ADAM15: variants seen among roughly 807,000 people sequenced by gnomAD.
ADAM15 encodes the protein disintegrin and metalloproteinase domain-containing protein 15.
Under a neutral mutation model 113.8 loss-of-function variants are expected in ADAM15, and 77 were observed. The observed-to-expected ratio is 0.68, with a 90% CI of 0.56 to 0.82. The LOEUF (loss-of-function observed/expected upper bound fraction) is 0.82. Among genes scored for constraint, ADAM15 ranks in the 40% least tolerant of loss-of-function variants. The pLI, the probability that ADAM15 is intolerant of heterozygous loss-of-function variation, is 0.00. For missense variants in ADAM15, 963 were observed against 1,120.1 expected, an observed-to-expected ratio of 0.86 and a Z score of 2.00; for synonymous variants, 388 against 454.1, an observed-to-expected ratio of 0.85 and a Z score of 1.85.
At position 155,057,576 on chromosome 1, in the gene ADAM15, T is replaced by G. The variant is rs1189816471; in HGVS notation, c.1324-61T>G. 6.3e-7 allele frequency: 1 copy of G among 1,585,216 alleles called. No individual in the cohort carries two copies. The highest frequency in any genetic ancestry group is 1.3e-5 in the African/African-American group (1 of 74,316). ...CTTGGCCTGTGGGAGGAGGAGAGAT[T>G]GGAGGGAGGCTCACAGGCCCCACCT... On this transcript the variant is annotated intron_variant, in intron 12 of 22. Coordinates refer to ENST00000356955, the MANE Select transcript of ADAM15 (RefSeq NM_207197.3). The surrounding 1 kb of genome is among the most constrained non-coding windows in gnomAD (Gnocchi z 5.0).
At position 155,055,818 on chromosome 1, in the gene ADAM15, C is replaced by G. The variant is rs749884817; in HGVS notation, c.641C>G (p.Thr214Ser). Residue 214 changes from threonine to serine, a missense_variant, in exon 7 of 23, where the codon ACT (threonine) becomes AGT (serine). Thr to Ser is a moderately conservative substitution (Grantham distance 58). Transcript: ENST00000356955. ...RRRDVVTETK[T>S]VELVIVADHS... ...CGGGATGTGGTAACAGAGACCAAGA[C>G]TGTGGAGTTGGTGATTGTGGCTGAT... is the stretch of plus-strand genomic sequence containing the variant. 1.2e-6 allele frequency: 2 copies of G among 1,614,220 alleles called. No individual in the cohort carries two copies. The highest frequency in any genetic ancestry group is 2.2e-5 in the South Asian group (2 of 91,090).
Position 155,062,046 on chromosome 1 carries a change from G to C in ADAM15, c.2424+71G>C, listed in dbSNP as rs1662715628. The C allele has an allele frequency of 1.3e-6, 2 of 1,483,570 alleles. No homozygotes were observed. The highest frequency in any genetic ancestry group is 4.8e-5 in the East Asian group (2 of 41,938). 91.9% of individuals were successfully genotyped at this position (1,483,570 alleles called of 1,614,324 possible). A position where few individuals can be genotyped will look rare whatever the true frequency, so the allele number is the denominator to read the frequency against. On this transcript the variant is annotated intron_variant, in intron 21 of 22. Coordinates refer to ENST00000356955, the MANE Select transcript of ADAM15 (RefSeq NM_207197.3). This position sits in a 1 kb window ranked among gnomAD's most constrained non-coding sequence, Gnocchi z 7.0. ...GGCTGTGGTGCTGGTAGCCATGACG[G>C]TGGTGGCCGTGGCGAGATGCCCCCT... is the stretch of plus-strand genomic sequence containing the variant.
At chr1:155,053,772 G>A in intron 3 of ADAM15, 138 bp from the exon 4 acceptor site, 1 of 975,772 alleles carries the variant, frequency 1.0e-6, no homozygotes, top group Non-Finnish European at 1.5e-6. Context: ...ATACTTTGCT[G>A]CCCCGGGGTC....
intron 19 of ADAM15, 46 bp downstream of exon 19, chr1:155,060,878 ATCCAGCTTGGG>A (rs756612153): frequency 6.4e-7 from 1 of 1,567,882 alleles, no homozygotes; most frequent in Admixed American, 1.7e-5. Flanking sequence ...TTGGCCGGGC[ATCCAGCTTGGG>A]CCCTGGGGGG....
In ADAM15 at chr1:155,057,773, G is replaced by T; in HGVS notation, c.1416+44G>T. 6.2e-7 allele frequency: 1 copy of T among 1,613,974 alleles called. No individual in the cohort carries two copies. The highest frequency in any genetic ancestry group is 8.5e-7 in the Non-Finnish European group (1 of 1,179,844). On this transcript the variant is annotated intron_variant, in intron 13 of 22. Coordinates refer to ENST00000356955, the MANE Select transcript of ADAM15 (RefSeq NM_207197.3). This position sits in a 1 kb window ranked among gnomAD's most constrained non-coding sequence, Gnocchi z 5.0. ...GGCCACCCGGAGCTCACCTGCCGGG[G>T]CCAAGGTGGAAAGGGTCATTCTGAC... is the stretch of plus-strand genomic sequence containing the variant.
rs763215656 is a variant in ADAM15, at chr1:155,058,204, C to T, written c.1722-42C>T. 1 of 1,613,264 alleles carries T rather than the reference C, an allele frequency of 6.2e-7. No homozygotes were observed. Among genetic ancestry groups the T allele is most frequent in the Non-Finnish European group, 8.5e-7 (1 of 1,179,584 alleles). On this transcript the variant is annotated intron_variant, in intron 14 of 22. Transcript: ENST00000356955. This position sits in a 1 kb window ranked among gnomAD's most constrained non-coding sequence, Gnocchi z 4.3. ...CCTTTGGGTTTCTGAGAGCCTTGGC[C>T]CTGCTCCTACTAACTCTGTGTGCCC...
At position 155,052,727 on chromosome 1, in the gene ADAM15, CCCCAGGTCCTTCAGGACGATCT is replaced by C. The variant is rs1357394407; in HGVS notation, c.141_162del (p.Val48LeufsTer15). 1 of 1,612,384 alleles carries C rather than the reference CCCCAGGTCCTTCAGGACGATCT, an allele frequency of 6.2e-7. No homozygotes were observed. The highest frequency in any genetic ancestry group is 1.3e-5 in the African/African-American group (1 of 74,856). On this transcript the variant is annotated frameshift_variant, in exon 2 of 23. Coordinates refer to ENST00000356955, the MANE Select transcript of ADAM15 (RefSeq NM_207197.3). LOFTEE classifies it high-confidence loss of function. ...GAAGGCCCCGAGGGAGCCCTTGGAG[CCCCAGGTCCTTCAGGACGATCT>C]CCCAATTAGCCTCAAAAAGGTGCTT...
rs374457136 is a variant in ADAM15 at position 155,059,982 on chromosome 1, G to A, written c.2068+8G>A. Reference sequence around the variant, plus strand: ...GCACCACTCAGCTCAAAGGTAGCATGGGGGTGGGGGACAGGGGCAGCTGGG... The same window carrying A: ...GCACCACTCAGCTCAAAGGTAGCATAGGGGTGGGGGACAGGGGCAGCTGGG... On this transcript the variant is annotated splice_region_variant and intron_variant, in intron 17 of 22. Transcript: ENST00000356955. 9 of 1,613,890 alleles carry A rather than the reference G, an allele frequency of 5.6e-6. No homozygotes were observed. The African/African-American group carries it at 1.1e-4, about 19-fold the overall frequency.
At chr1:155,060,895 G>C in intron 19 of ADAM15, 63 bp downstream of exon 19, 1 of 1,492,664 alleles carries the variant, frequency 6.7e-7, no homozygotes, top group Non-Finnish European at 9.2e-7. Flanking sequence ...TTGGGCCCTG[G>C]GGGGTGCGCA....
At position 155,062,259 on chromosome 1, in the gene ADAM15, CAAGCCCCCACCCCCAAGG is replaced by C; in HGVS notation, c.2445_2462del (p.Pro816_Pro821del). The C allele has an allele frequency of 6.9e-7, 1 of 1,458,328 alleles. No individual in the cohort carries two copies. The highest frequency in any genetic ancestry group is 9.1e-7 in the Non-Finnish European group (1 of 1,103,308). The allele number at this position is 1,458,328 out of a possible 1,614,324, so 90.3% of individuals were successfully genotyped here. Reference sequence around the variant, plus strand: ...CTCTCCCTCAGTCTCAGGGGCCAGCCAAGCCCCCACCCCCAAGGAAGCCACTGCCTGCCGACCCCCAGG... The same window carrying C: ...CTCTCCCTCAGTCTCAGGGGCCAGCCAAGCCACTGCCTGCCGACCCCCAGG... On this transcript the variant is annotated inframe_deletion, in exon 22 of 23. Coordinates refer to ENST00000356955, the MANE Select transcript of ADAM15 (RefSeq NM_207197.3). This position sits in a 1 kb window ranked among gnomAD's most constrained non-coding sequence, Gnocchi z 7.0.
In ADAM15 at chr1:155,057,312, G is replaced by A. The variant is rs776978554; in HGVS notation, c.1273G>A (p.Gly425Arg). 14 of 1,614,086 alleles carry A rather than the reference G, an allele frequency of 8.7e-6. No homozygotes were observed. The Middle Eastern group carries it at 6.6e-4, about 76-fold the overall frequency. Reference sequence around the variant, plus strand: ...CCTACCCCCTATGGCTGCTTTCTGCGGAAATATGTTTGTGGAGCCGGGCGA... The same window carrying A: ...CCTACCCCCTATGGCTGCTTTCTGCAGAAATATGTTTGTGGAGCCGGGCGA... ...PSLPPMAAFC[G>R]NMFVEPGEQC... Residue 425 changes from glycine (G) to arginine (R), a missense_variant, in exon 12 of 23, where the codon GGA becomes AGA. By Grantham distance (125) the Gly-to-Arg change is moderately radical. Transcript: ENST00000356955. This position sits in a 1 kb window ranked among gnomAD's most constrained non-coding sequence, Gnocchi z 5.0.
chr1:155,053,987 T>C lies in ADAM15; in HGVS notation c.341T>C (p.Leu114Ser). The C allele has an allele frequency of 1.2e-6, 2 of 1,614,172 alleles. No homozygotes were observed. The highest frequency in any genetic ancestry group is 1.7e-6 in the Non-Finnish European group (2 of 1,180,018). ...CGGGTGGTCAGTGAGGGACACACTT[T>C]GGTGAGTCAGGCCCTCTTGTGCCAT... ...GTRVVSEGHT[L>S]ENCCYQGRVR... Residue 114 changes from leucine to serine, a missense_variant and splice_region_variant, in exon 4 of 23, where the codon TTG becomes TCG. By Grantham distance (145) the Leu-to-Ser change is moderately radical. Coordinates refer to ENST00000356955, the MANE Select transcript of ADAM15 (RefSeq NM_207197.3).
chr1:155,061,550 C>T (rs1166106733), intron 20 of ADAM15, 61 bp downstream of exon 20: 1 of 1,529,304 alleles, frequency 6.5e-7, no homozygotes, highest in East Asian at 2.3e-5. Context: ...TACCCAACTG[C>T]AGTTCTCATC....
At position 155,061,469 on chromosome 1, in the gene ADAM15, CCT is replaced by C; in HGVS notation, c.2333_2334del (p.Pro778ArgfsTer8). The C allele has an allele frequency of 1.2e-6, 2 of 1,613,748 alleles. No individual in the cohort carries two copies. The highest frequency in any genetic ancestry group is 1.7e-6 in the Non-Finnish European group (2 of 1,179,866). ...CCCTTCCAGGCCGCTGCCGCCTGAC[CCT>C]GTGTCCAAGAGACTCCAGGTAAATC... ...APPSRPLPPDPVSKRLQAELA... is the reference protein window; with the variant it reads ...APPSRPLPPDXVSKRLQAELA... On this transcript the variant is annotated frameshift_variant, in exon 20 of 23. Coordinates refer to ENST00000356955, the MANE Select transcript of ADAM15 (RefSeq NM_207197.3). LOFTEE classifies it high-confidence loss of function.
chr1:155,056,390 A>G lies in ADAM15; in HGVS notation c.919A>G (p.Thr307Ala). The change falls in exon 10 of 23, where the codon ACT (threonine) becomes GCT (alanine). Residue 307 changes from threonine to alanine, a missense_variant. Transcript: ENST00000356955. This position sits in a 1 kb window ranked among gnomAD's most constrained non-coding sequence, Gnocchi z 4.0. ...PHDSAQLVTG[T>A]SFSGPTVGMA... ...TTTAGCCTCTCTGTCCCACAGTGGTACTTCATTCTCTGGGCCTACGGTGGG... is the reference window on the plus strand; with the variant it reads ...TTTAGCCTCTCTGTCCCACAGTGGTGCTTCATTCTCTGGGCCTACGGTGGG... 6.2e-7 allele frequency: 1 copy of G among 1,614,052 alleles called. No individual in the cohort carries two copies. Among genetic ancestry groups the G allele is most frequent in the South Asian group, 1.1e-5 (1 of 91,068 alleles).
chr1:155,061,629 C>G (rs1427972792), intron 20 of ADAM15, 140 bp downstream of exon 20: 3 of 975,284 alleles, frequency 3.1e-6, no homozygotes, highest in South Asian at 3.2e-5. Context: ...ACACTCTGAG[C>G]CCCAGAAGCA....
At chr1:155,060,612 T>C (rs1662436466) in intron 18 of ADAM15, 151 bp from the exon 19 acceptor site, 7 of 940,564 alleles carry the variant, frequency 7.4e-6, no homozygotes, top group Non-Finnish European at 1.1e-5. Flanking sequence ...CTCAAGCTAA[T>C]AAATACTGCC....
intron 19 of ADAM15, chr1:155,061,214 C>G: frequency 1.7e-6 from 1 of 588,066 alleles, no homozygotes; most frequent in Non-Finnish European, 3.0e-6. Context: ...CCACCCTGAG[C>G]CCTCTGCTTG....
chr1:155,059,985 G>C lies in ADAM15; in HGVS notation c.2068+11G>C, dbSNP rs1297873345. On this transcript the variant is annotated intron_variant, in intron 17 of 22. Transcript: ENST00000356955. Reference sequence around the variant, plus strand: ...CCACTCAGCTCAAAGGTAGCATGGGGGTGGGGGACAGGGGCAGCTGGGAGG... The same window carrying C: ...CCACTCAGCTCAAAGGTAGCATGGGCGTGGGGGACAGGGGCAGCTGGGAGG... 3.1e-6 allele frequency: 5 copies of C among 1,613,802 alleles called. No homozygotes were observed. Among genetic ancestry groups the C allele is most frequent in the Non-Finnish European group, 4.2e-6 (5 of 1,179,910 alleles).
Sources: gnomAD v4.1 joint callset for allele counts on GRCh38, gnomAD v4.1.1 for gene constraint, Gnocchi (gnomAD v3.1) non-coding constraint, MANE v1.5 for transcripts, NCBI Gene and HGNC (gene_info 2026-07-23, HGNC 2026-07-21) for gene names.